The following AGAP1 variants were observed in gnomAD, a reference collection of about 807,000 sequenced individuals.
The protein encoded by AGAP1 is arf-GAP with GTPase, ANK repeat and PH domain-containing protein 1.
AGAP1 carries 29 observed loss-of-function variants against 105.3 expected under a neutral mutation model. That is an observed-to-expected ratio of 0.28 (90% confidence interval 0.21 to 0.38). The LOEUF (loss-of-function observed/expected upper bound fraction) is 0.38. AGAP1 is among the 10% of genes least tolerant of loss of function. The pLI, the probability that AGAP1 is intolerant of heterozygous loss-of-function variation, is 1.00. For synonymous variants in AGAP1, 509 were observed against 485.9 expected (o/e 1.05, Z -0.63); for missense variants, 998 against 1,165.1 (o/e 0.86, Z 2.09).
chr2:235,691,980 C>T lies in AGAP1; in HGVS notation c.164-17199C>T, dbSNP rs973002730. On this transcript the variant is annotated intron_variant, in intron 1 of 17. Coordinates refer to ENST00000304032, the MANE Select transcript of AGAP1 (RefSeq NM_001037131.3). The surrounding 1 kb of genome is among the most constrained non-coding windows in gnomAD (Gnocchi z 4.4). ...AATAACAGCATCACGATAGCACATT[C>T]TCTAGTTGCTGGTTATCTAGTTACT... 5.3e-5 allele frequency among the ~76,000 whole-genome samples: 8 copies of T among 152,304 alleles called. No individual in the cohort carries two copies. Among genetic ancestry groups the T allele is most frequent in the Admixed American group, 3.9e-4 (6 of 15,290 alleles).
intron 1 of AGAP1, chr2:235,670,586 G>A: frequency 3.7e-6 from 2 of 541,696 alleles, no homozygotes; most frequent in Non-Finnish European, 6.4e-6. Context: ...CGGGCCTGAG[G>A]CGCCGCAAGG....
chr2:235,543,543 G>T (rs1180687546), intron 1 of AGAP1, among the ~76,000 whole-genome samples: 1 of 152,228 alleles, frequency 6.6e-6, no homozygotes, highest in Non-Finnish European at 1.5e-5. Flanking sequence ...GCTGGATTGA[G>T]CTCTGCAGCA....
At chr2:235,570,768 G>A (rs1574868718) in intron 1 of AGAP1, among the ~76,000 whole-genome samples, 1 of 152,184 alleles carries the variant, frequency 6.6e-6, no homozygotes, top group Admixed American at 6.5e-5. Context: ...TGGAGATAAT[G>A]GCAAACATCT....
chr2:235,577,023 A>T lies in AGAP1; in HGVS notation c.163+82174A>T, dbSNP rs951698870. 6.6e-6 allele frequency among the ~76,000 whole-genome samples: 1 copy of T among 152,008 alleles called. No individual in the cohort carries two copies. The highest frequency in any genetic ancestry group is 6.6e-5 in the Admixed American group (1 of 15,264). On this transcript the variant is annotated intron_variant, in intron 1 of 17. Coordinates refer to ENST00000304032, the MANE Select transcript of AGAP1 (RefSeq NM_001037131.3). This position sits in a 1 kb window ranked among gnomAD's most constrained non-coding sequence, Gnocchi z 4.5. ...CTCCATACCCCAAATGCCAAACTCT[A>T]CCTCTGCATCTTCACCAAGAAAAGC...
chr2:235,933,148 T>TA (rs1470246081), intron 12 of AGAP1, among the ~76,000 whole-genome samples: 1 of 152,184 alleles, frequency 6.6e-6, no homozygotes, highest in Non-Finnish European at 1.5e-5. Context: ...TAAGGATTGA[T>TA]AGAGTTGATC....
rs59126473 is a variant in AGAP1, at chr2:236,094,923, C to CAA, written c.2115-25244_2115-25243dup. On this transcript the variant is annotated intron_variant, in intron 16 of 17. Transcript: ENST00000304032. ...ATCACAGCAAGAGACCCCATCTCTACAAAAAAAAAAAAAAAAAAAAAAAAA... is the reference window on the plus strand; with the variant it reads ...ATCACAGCAAGAGACCCCATCTCTACAAAAAAAAAAAAAAAAAAAAAAAAAAA... Among the ~76,000 whole-genome samples, 199 of 37,750 alleles carry CAA rather than the reference C, an allele frequency of 5.3e-3. 9 individuals carry two copies. The highest frequency in any genetic ancestry group is 9.2e-3 in the Non-Finnish European group (142 of 15,378). The allele number at this position is 37,750 out of a possible 152,430, so 24.8% of individuals were successfully genotyped here.
chr2:235,579,094 C>G (rs929874891), intron 1 of AGAP1, among the ~76,000 whole-genome samples: 3 of 152,210 alleles, frequency 2.0e-5, no homozygotes, highest in African/African-American at 7.2e-5. Context: ...AAGCAGCCTT[C>G]CCCAGCTTGT....
At chr2:235,835,853 C>G (rs1253023240) in intron 9 of AGAP1, among the ~76,000 whole-genome samples, 1 of 152,180 alleles carries the variant, frequency 6.6e-6, no homozygotes, top group Non-Finnish European at 1.5e-5. Context: ...CAAGAGCCAA[C>G]CACTGACTGG....
At position 235,611,034 on chromosome 2, in the gene AGAP1, G is replaced by T. The variant is rs1184655460; in HGVS notation, c.164-98145G>T. 2.0e-5 allele frequency among the ~76,000 whole-genome samples: 3 copies of T among 152,138 alleles called. No homozygotes were observed. The highest frequency in any genetic ancestry group is 4.4e-5 in the Non-Finnish European group (3 of 68,024). The stretch of plus-strand genomic sequence containing the variant: ...CTGTGCCCATGACCTCCGGAAGCCT[G>T]CCAGCCGCCTGCCTGCAACCCCATA... On this transcript the variant is annotated intron_variant, in intron 1 of 17. Coordinates refer to ENST00000304032, the MANE Select transcript of AGAP1 (RefSeq NM_001037131.3). This position sits in a 1 kb window ranked among gnomAD's most constrained non-coding sequence, Gnocchi z 5.0.
At chr2:236,079,828 G>A (rs1348148013) in intron 16 of AGAP1, among the ~76,000 whole-genome samples, 3 of 152,286 alleles carry the variant, frequency 2.0e-5, no homozygotes, top group Admixed American at 6.5e-5. Context: ...CACTGTTGCT[G>A]AAGACTAACA....
intron 12 of AGAP1, among the ~76,000 whole-genome samples, chr2:235,946,928 C>A (rs760708461): frequency 6.6e-6 from 1 of 152,186 alleles, no homozygotes; most frequent in East Asian, 1.9e-4. Context: ...CCAGTTTAAA[C>A]GTGCCCATGT....
At chr2:235,543,711 A>G (rs1318238875) in intron 1 of AGAP1, among the ~76,000 whole-genome samples, 1 of 152,178 alleles carries the variant, frequency 6.6e-6, no homozygotes, top group African/African-American at 2.4e-5. Flanking sequence ...TCTTCCCTGC[A>G]GGCCTAGGAG....
chr2:236,108,762 C>G (rs983319577), intron 16 of AGAP1, among the ~76,000 whole-genome samples: 1 of 152,118 alleles, frequency 6.6e-6, no homozygotes, highest in African/African-American at 2.4e-5. Flanking sequence ...CACCAAGAGA[C>G]TGCTTTACAG....
At position 236,056,236 on chromosome 2, in the gene AGAP1, G is replaced by A. The variant is rs533511090; in HGVS notation, c.2114+6955G>A. ...ACCAGACAGACAGAATGGTGCTCTC[G>A]GTTTATCATGCCGCCTGCCACACAG... On this transcript the variant is annotated intron_variant, in intron 16 of 17. Transcript: ENST00000304032. This position sits in a 1 kb window ranked among gnomAD's most constrained non-coding sequence, Gnocchi z 4.6. Among the ~76,000 whole-genome samples the A allele has an allele frequency of 1.3e-5, 2 of 152,260 alleles. No individual in the cohort carries two copies. The highest frequency in any genetic ancestry group is 4.8e-5 in the African/African-American group (2 of 41,554).
chr2:235,558,286 A>C (rs923998519), intron 1 of AGAP1, among the ~76,000 whole-genome samples: 1 of 151,378 alleles, frequency 6.6e-6, no homozygotes, highest in African/African-American at 2.4e-5. Flanking sequence ...CTATTCTGTC[A>C]CCTCCTTCTC....
Position 235,810,047 on chromosome 2 carries a change from C to T in AGAP1, c.1050+2716C>T, listed in dbSNP as rs191576978. On this transcript the variant is annotated intron_variant, in intron 9 of 17. Transcript: ENST00000304032. ...CCAGGCCTCTCTGCCCCTATGTCTG[C>T]GCTCTCTCCACTGCCCATTGATGAA... 4.6e-5 allele frequency among the ~76,000 whole-genome samples: 7 copies of T among 152,288 alleles called. No homozygotes were observed. In the East Asian group the frequency reaches 7.7e-4, roughly 17 times the overall value.
chr2:236,020,454 GA>G lies in AGAP1; in HGVS notation c.1646-16105del, dbSNP rs2056847898. 6.6e-6 allele frequency among the ~76,000 whole-genome samples: 1 copy of G among 152,216 alleles called. No homozygotes were observed. The highest frequency in any genetic ancestry group is 2.1e-4 in the South Asian group (1 of 4,830). ...CCTGCTTCCATTTGCTGTCATCTGA[GA>G]AGAATCGTCAGTTGTAGAAATTTGG... On this transcript the variant is annotated intron_variant, in intron 13 of 17. Coordinates refer to ENST00000304032, the MANE Select transcript of AGAP1 (RefSeq NM_001037131.3). This position sits in a 1 kb window ranked among gnomAD's most constrained non-coding sequence, Gnocchi z 5.0.
chr2:235,951,215 C>T lies in AGAP1; in HGVS notation c.1484-17247C>T, dbSNP rs1477641375. ...AAGGCTGTGCTTTAGAAGACACTTCCGACTTTGATCTGCAGTTGCGGATGA... is the reference window on the plus strand; with the variant it reads ...AAGGCTGTGCTTTAGAAGACACTTCTGACTTTGATCTGCAGTTGCGGATGA... On this transcript the variant is annotated intron_variant, in intron 12 of 17. Transcript: ENST00000304032. The surrounding 1 kb of genome is among the most constrained non-coding windows in gnomAD (Gnocchi z 4.2). Among the ~76,000 whole-genome samples, 23 of 152,252 alleles carry T rather than the reference C, an allele frequency of 1.5e-4. No homozygotes were observed. The highest frequency in any genetic ancestry group is 1.2e-3 in the Admixed American group (19 of 15,292).
intron 9 of AGAP1, among the ~76,000 whole-genome samples, chr2:235,860,252 C>T (rs1435130461): frequency 6.6e-6 from 1 of 152,094 alleles, no homozygotes; most frequent in Admixed American, 6.5e-5. Flanking sequence ...TCCTAGCACT[C>T]AAGGCAAAAA....
Sources: gnomAD v4.1 joint callset for allele counts (sites outside exome capture counted in the v4.1 genomes callset) on GRCh38, gnomAD v4.1.1 for gene constraint, Gnocchi (gnomAD v3.1) non-coding constraint, MANE v1.5 for transcripts, NCBI Gene and HGNC (gene_info 2026-07-23, HGNC 2026-07-21) for gene names.